The following KIAA1217 variants were observed in gnomAD, a reference collection of about 807,000 sequenced individuals.
KIAA1217 encodes sickle tail protein homolog.
A neutral mutation model predicts 163.9 loss-of-function variants in KIAA1217; 88 were observed. That is an observed-to-expected ratio of 0.54 (90% confidence interval 0.45 to 0.64). The LOEUF is 0.64. Among genes scored for constraint, KIAA1217 ranks in the 30% least tolerant of loss-of-function variants. KIAA1217 has a pLI of 0.00. For missense variants in KIAA1217, 2,372 were observed against 2,475.0 expected, an observed-to-expected ratio of 0.96 and a Z score of 0.88; for synonymous variants, 903 against 923.1, an observed-to-expected ratio of 0.98 and a Z score of 0.39.
intron 1 of KIAA1217, among the ~76,000 whole-genome samples, chr10:23,805,222 T>G (rs1836676983): frequency 1.3e-5 from 2 of 152,274 alleles, no homozygotes; most frequent in Non-Finnish European, 1.5e-5. Flanking sequence ...CATGCGTATG[T>G]TCATTGCAGC....
At chr10:24,169,730 AAAAGGGTG>A (rs1331353795) in intron 2 of KIAA1217, among the ~76,000 whole-genome samples, 5 of 152,146 alleles carry the variant, frequency 3.3e-5, no homozygotes, top group Non-Finnish European at 7.4e-5. Context: ...CCTTCCAAGG[AAAAGGGTG>A]CTTCTCTTAG....
intron 3 of KIAA1217, among the ~76,000 whole-genome samples, chr10:24,408,800 C>T (rs2057470951): frequency 1.3e-5 from 2 of 152,122 alleles, no homozygotes; most frequent in Non-Finnish European, 2.9e-5. Context: ...ATATCCTTTC[C>T]TTCCCTGTTA....
chr10:24,363,851 C>T (rs2050368250), intron 2 of KIAA1217, among the ~76,000 whole-genome samples: 1 of 152,160 alleles, frequency 6.6e-6, no homozygotes, highest in African/African-American at 2.4e-5. Flanking sequence ...GGATTACAGG[C>T]ATGGGCCACC....
chr10:24,131,530 T>G (rs1273307785), intron 2 of KIAA1217, among the ~76,000 whole-genome samples: 1 of 152,224 alleles, frequency 6.6e-6, no homozygotes, highest in African/African-American at 2.4e-5. Context: ...TATCCTGAAC[T>G]GCAGCCCTTT....
intron 2 of KIAA1217, among the ~76,000 whole-genome samples, chr10:24,365,819 A>G (rs1446011577): frequency 1.3e-5 from 2 of 152,026 alleles, no homozygotes; most frequent in South Asian, 4.2e-4. Flanking sequence ...TCTGTGTTCA[A>G]GTGTTCTTTT....
chr10:23,793,766 C>A (rs1359379695), intron 1 of KIAA1217, among the ~76,000 whole-genome samples: 1 of 152,164 alleles, frequency 6.6e-6, no homozygotes, highest in Non-Finnish European at 1.5e-5. Context: ...ACCTACCACA[C>A]AGGCCAGCCA....
chr10:23,991,456 A>T (rs780716948), intron 1 of KIAA1217, among the ~76,000 whole-genome samples: 3 of 152,214 alleles, frequency 2.0e-5, no homozygotes, highest in Non-Finnish European at 2.9e-5. Context: ...ATTAAGAAAT[A>T]AATGGATGCA....
At chr10:23,934,619 A>ATTTTTT (rs1219984756) in intron 1 of KIAA1217, among the ~76,000 whole-genome samples, 2 of 64,668 alleles carry the variant, frequency 3.1e-5, no homozygotes, top group Non-Finnish European at 5.3e-5. Flanking sequence ...ATATATATAT[A>ATTTTTT]TATATATTTT....
At chr10:24,029,959 T>C (rs960631601) in intron 2 of KIAA1217, among the ~76,000 whole-genome samples, 1 of 152,144 alleles carries the variant, frequency 6.6e-6, no homozygotes, top group Non-Finnish European at 1.5e-5. Context: ...CCTCCTCTGA[T>C]CGCAGAGTGA....
intron 1 of KIAA1217, among the ~76,000 whole-genome samples, chr10:23,789,441 G>T (rs1835640309): frequency 1.3e-5 from 2 of 152,112 alleles, no homozygotes; most frequent in Admixed American, 1.3e-4. Context: ...TTACCTTAGT[G>T]CAGCCTTATA....
At chr10:24,475,466 A>G (rs2063913611) in intron 6 of KIAA1217, among the ~76,000 whole-genome samples, 1 of 152,216 alleles carries the variant, frequency 6.6e-6, no homozygotes, top group African/African-American at 2.4e-5. Context: ...GTTCAGTTAC[A>G]GGGAATATCA....
At chr10:24,135,230 C>A (rs978394467) in intron 2 of KIAA1217, among the ~76,000 whole-genome samples, 1 of 152,186 alleles carries the variant, frequency 6.6e-6, no homozygotes, top group African/African-American at 2.4e-5. Flanking sequence ...GGCTGCCACA[C>A]CAGTGATGGT....
chr10:24,498,827 G>A (rs78549817), intron 8 of KIAA1217, among the ~76,000 whole-genome samples: 3,879 of 152,178 alleles, frequency 0.025, 138 homozygotes, highest in African/African-American at 0.079. Flanking sequence ...AAAAAATTGC[G>A]CTGTGAAAGT....
chr10:23,869,136 T>TG (rs1467247611), intron 1 of KIAA1217, among the ~76,000 whole-genome samples: 1 of 142,842 alleles, frequency 7.0e-6, no homozygotes, highest in Non-Finnish European at 1.5e-5. Flanking sequence ...TTTTTTTTTT[T>TG]TTTTTTTTTT....
chr10:23,848,733 A>T (rs1013319267), intron 1 of KIAA1217, among the ~76,000 whole-genome samples: 1 of 152,014 alleles, frequency 6.6e-6, no homozygotes, highest in Non-Finnish European at 1.5e-5. Context: ...TACCTCTTAT[A>T]TATCTATTGA....
At chr10:24,210,202 T>C (rs990365936) in intron 1 of KIAA1217, among the ~76,000 whole-genome samples, 9 of 151,556 alleles carry the variant, frequency 5.9e-5, no homozygotes, top group Non-Finnish European at 1.2e-4. Flanking sequence ...TTTATGAAAA[T>C]GTGAAAGGGA....
At position 24,071,392 on chromosome 10, in the gene KIAA1217, T is replaced by C. The variant is rs184545544; in HGVS notation, c.-171+64018T>C. On this transcript the variant is annotated intron_variant, in intron 2 of 18. Coordinates refer to the KIAA1217 transcript ENST00000376462. ...CACTTCACATTGGATATCCTAATGT[T>C]AGCTTTCCTCTTTCCATTTGTTCTT... Among the ~76,000 whole-genome samples the C allele has an allele frequency of 1.7e-3, 264 of 152,332 alleles. 1 individual carries two copies. Among genetic ancestry groups the C allele is most frequent in the Middle Eastern group, 0.017 (5 of 294 alleles).
At chr10:24,218,733 C>T (rs968581600) in intron 1 of KIAA1217, among the ~76,000 whole-genome samples, 6 of 152,148 alleles carry the variant, frequency 3.9e-5, no homozygotes, top group South Asian at 2.1e-4. Flanking sequence ...TCGTGATTCA[C>T]CCGCCTCGGC....
At chr10:23,716,910 A>AT (rs1837608456) in intron 1 of KIAA1217, among the ~76,000 whole-genome samples, 1 of 151,614 alleles carries the variant, frequency 6.6e-6, no homozygotes, top group South Asian at 2.1e-4. Context: ...CTAATTATTC[A>AT]TTTTTCTCAT....
Sources: gnomAD v4.1 joint callset for allele counts (sites outside exome capture counted in the v4.1 genomes callset) on GRCh38, gnomAD v4.1.1 for gene constraint, MANE v1.5 for transcripts, NCBI Gene and HGNC (gene_info 2026-07-23, HGNC 2026-07-21) for gene names.